DNAH14: variants seen among roughly 807,000 people sequenced by gnomAD.
DNAH14 encodes dynein axonemal heavy chain 14, also known as axonemal beta dynein heavy chain 14.
In DNAH14, 478 loss-of-function variants were observed where a neutral mutation model predicts 520.9. The ratio of observed to expected loss-of-function variants is 0.92; its 90% CI spans 0.85 to 0.99. The LOEUF (loss-of-function observed/expected upper bound fraction) is 0.99. DNAH14 is among the 50% of genes least tolerant of loss of function. The pLI is 0.00. For missense variants in DNAH14, 4,831 were observed against 5,234.5 expected, an observed-to-expected ratio of 0.92 and a Z score of 2.38; for synonymous variants, 1,581 against 1,757.2, an observed-to-expected ratio of 0.90 and a Z score of 2.51.
intron 72 of DNAH14, among the ~76,000 whole-genome samples, chr1:225,353,183 G>T (rs1458510178): frequency 6.6e-6 from 1 of 151,990 alleles, no homozygotes; most frequent in African/African-American, 2.4e-5. Context: ...ATAGAAATAA[G>T]AGGTAAGTAG....
chr1:224,942,835 T>G (rs909488738), intron 1 of DNAH14, among the ~76,000 whole-genome samples: 3 of 152,198 alleles, frequency 2.0e-5, no homozygotes, highest in African/African-American at 7.2e-5. Context: ...GAACCAGCCT[T>G]GCATCCCAGG....
intron 39 of DNAH14, among the ~76,000 whole-genome samples, chr1:225,205,105 A>G (rs2087357302): frequency 6.6e-6 from 1 of 152,086 alleles, no homozygotes; most frequent in Non-Finnish European, 1.5e-5. Flanking sequence ...CCCTATCCTG[A>G]CCAATGGATT....
intron 1 of DNAH14, among the ~76,000 whole-genome samples, chr1:224,942,567 AT>A (rs201278531): frequency 0.055 from 8,354 of 152,214 alleles, 458 homozygotes; most frequent in East Asian, 0.23. Flanking sequence ...GAGAGAGGGC[AT>A]CCCTGTCTTG....
intron 1 of DNAH14, among the ~76,000 whole-genome samples, chr1:224,944,273 C>G (rs937557686): frequency 2.6e-5 from 4 of 152,090 alleles, no homozygotes; most frequent in Admixed American, 6.5e-5. Flanking sequence ...CTCTTTTGAT[C>G]TTTGTTGGTT....
chr1:225,192,321 G>A (rs2085554986), intron 37 of DNAH14, among the ~76,000 whole-genome samples: 1 of 152,040 alleles, frequency 6.6e-6, no homozygotes, highest in Non-Finnish European at 1.5e-5. Context: ...TTGCAAATCA[G>A]GTTAATTTCA....
chr1:224,966,590 A>C lies in DNAH14; in HGVS notation c.499-841A>C, dbSNP rs924622145. On this transcript the variant is annotated intron_variant, in intron 5 of 85. Coordinates refer to ENST00000682510, the MANE Select transcript of DNAH14 (RefSeq NM_001367479.1). ...GCATTATAGTTTATTGCAATAGCTCAGAATATGGGTTTACAGTCAGACTTG... is the reference window on the plus strand; with the variant it reads ...GCATTATAGTTTATTGCAATAGCTCCGAATATGGGTTTACAGTCAGACTTG... 5.9e-5 allele frequency among the ~76,000 whole-genome samples: 9 copies of C among 152,312 alleles called. No homozygotes were observed. The East Asian group carries it at 1.2e-3, about 20-fold the overall frequency.
At chr1:225,352,971 T>G (rs984323915) in intron 72 of DNAH14, among the ~76,000 whole-genome samples, 2 of 152,100 alleles carry the variant, frequency 1.3e-5, no homozygotes, top group African/African-American at 4.8e-5. Context: ...TCAGTTACTT[T>G]TATTTAAAAG....
At chr1:225,119,685 G>A (rs529493281) in intron 26 of DNAH14, among the ~76,000 whole-genome samples, 21 of 152,154 alleles carry the variant, frequency 1.4e-4, no homozygotes, top group Non-Finnish European at 2.8e-4. Context: ...TTGTTTACTT[G>A]GCTTACTCTT....
At position 224,960,126 on chromosome 1, in the gene DNAH14, T is replaced by C. The variant is rs200386976; in HGVS notation, c.218-27T>C. The C allele has an allele frequency of 6.6e-5, 101 of 1,539,846 alleles. 1 individual carries two copies. Among genetic ancestry groups the C allele is most frequent in the South Asian group, 1.2e-4 (9 of 77,284 alleles). ...TATTATTTACAGCTCACACTAGTTA[T>C]TCAGTTAATAATGGTTTTATTTTCA... On this transcript the variant is annotated intron_variant, in intron 3 of 85. Coordinates refer to ENST00000682510, the MANE Select transcript of DNAH14 (RefSeq NM_001367479.1).
chr1:225,080,984 C>G (rs1253258114), intron 19 of DNAH14, among the ~76,000 whole-genome samples: 2 of 152,128 alleles, frequency 1.3e-5, no homozygotes, highest in African/African-American at 4.8e-5. Context: ...AAAGTTGGTT[C>G]CCTGCATAGA....
At chr1:225,373,172 G>GGAAAAAAA (rs529045656) in intron 77 of DNAH14, among the ~76,000 whole-genome samples, 5 of 135,774 alleles carry the variant, frequency 3.7e-5, no homozygotes, top group African/African-American at 5.3e-5. Context: ...AGCATTTGTG[G>GGAAAAAAA]AAAAAAAAAA....
intron 35 of DNAH14, among the ~76,000 whole-genome samples, chr1:225,163,592 T>G (rs2081749541): frequency 6.6e-6 from 1 of 152,258 alleles, no homozygotes; most frequent in African/African-American, 2.4e-5. Context: ...AAGTGCATTT[T>G]CAGCATCAAT....
intron 26 of DNAH14, among the ~76,000 whole-genome samples, chr1:225,122,445 G>A (rs1293577366): frequency 1.3e-5 from 2 of 152,072 alleles, no homozygotes; most frequent in East Asian, 3.9e-4. Flanking sequence ...ACTCTACTGT[G>A]CCTCTAGGTC....
chr1:225,359,823 A>G (rs1179493749), intron 74 of DNAH14, among the ~76,000 whole-genome samples: 1 of 152,260 alleles, frequency 6.6e-6, no homozygotes, highest in African/African-American at 2.4e-5. Context: ...AAAGTATTAT[A>G]CAACACTTTT....
At chr1:225,386,149 A>T (rs2095839061) in intron 81 of DNAH14, among the ~76,000 whole-genome samples, 1 of 152,214 alleles carries the variant, frequency 6.6e-6, no homozygotes, top group Non-Finnish European at 1.5e-5. Context: ...CTATTTAATA[A>T]ATGGTGCTGG....
At chr1:225,206,942 G>C in intron 40 of DNAH14, 26 bp from the exon 41 acceptor site, 1 of 1,438,742 alleles carries the variant, frequency 7.0e-7, no homozygotes, top group Non-Finnish European at 9.1e-7. Context: ...ATTTACATAA[G>C]ATTATATTTT....
intron 8 of DNAH14, among the ~76,000 whole-genome samples, chr1:224,997,030 C>G (rs1341458911): frequency 6.6e-6 from 1 of 151,934 alleles, no homozygotes; most frequent in Non-Finnish European, 1.5e-5. Flanking sequence ...GTAGAATGTC[C>G]CACCACTTCT....
chr1:225,041,969 A>G (rs923244569), intron 12 of DNAH14, among the ~76,000 whole-genome samples: 1 of 152,208 alleles, frequency 6.6e-6, no homozygotes, highest in Admixed American at 6.5e-5. Context: ...GTGTTAGGCA[A>G]CCATCACCAC....
intron 38 of DNAH14, among the ~76,000 whole-genome samples, chr1:225,202,353 G>A (rs2086953910): frequency 6.6e-6 from 1 of 152,156 alleles, no homozygotes; most frequent in East Asian, 1.9e-4. Flanking sequence ...CTCTCCTTGG[G>A]CGGGTCTTGC....
Sources: allele counts gnomAD v4.1 joint callset (sites outside exome capture counted in the v4.1 genomes callset), GRCh38; gene constraint gnomAD v4.1.1; transcripts MANE v1.5; gene names NCBI Gene and HGNC (gene_info 2026-07-23, HGNC 2026-07-21).